HSDL1: variants seen among roughly 807,000 people sequenced by gnomAD.
HSDL1 encodes inactive hydroxysteroid dehydrogenase-like protein 1.
In HSDL1, 29 loss-of-function variants were observed where a neutral mutation model predicts 31.5. The ratio of observed to expected loss-of-function variants is 0.92; its 90% CI spans 0.69 to 1.26. The LOEUF is 1.26. Among genes scored for constraint, HSDL1 ranks in the 50% most tolerant of loss-of-function variants. The probability of loss-of-function intolerance (pLI) is 0.00; values close to 1 mark genes in which losing one functional copy is unlikely to be tolerated. For missense variants in HSDL1, 503 were observed against 416.6 expected, an observed-to-expected ratio of 1.21 and a Z score of -1.81; for synonymous variants, 222 against 155.2, an observed-to-expected ratio of 1.43 and a Z score of -3.20.
chr16:84,143,109 A>G (rs934895114), intron 1 of HSDL1, among the ~76,000 whole-genome samples: 11 of 152,242 alleles, frequency 7.2e-5, no homozygotes, highest in Non-Finnish European at 1.5e-4. Context: ...CAGATACCCA[A>G]GATAATTAGA....
chr16:84,144,216 T>C (rs922381707), intron 1 of HSDL1: 2 of 151,972 alleles, frequency 1.3e-5, no homozygotes, highest in Admixed American at 1.3e-4. Flanking sequence ...GACTCTCCCG[T>C]TTATAGATGG....
chr16:84,134,719 T>C (rs1255979688), intron 2 of HSDL1, among the ~76,000 whole-genome samples: 3 of 152,124 alleles, frequency 2.0e-5, no homozygotes, highest in Non-Finnish European at 2.9e-5. Flanking sequence ...GTGCCTTTTG[T>C]CATAACTAAT....
At chr16:84,133,785 T>C (rs1199618200) in intron 2 of HSDL1, among the ~76,000 whole-genome samples, 2 of 152,180 alleles carry the variant, frequency 1.3e-5, no homozygotes. Flanking sequence ...CTTTATTCCC[T>C]ACAGGTAAAA....
intron 1 of HSDL1, among the ~76,000 whole-genome samples, chr16:84,137,549 G>T (rs1016832269): frequency 3.9e-5 from 6 of 152,136 alleles, no homozygotes; most frequent in South Asian, 4.1e-4. Context: ...TACTCAGCTG[G>T]GGATGAAGGA....
chr16:84,141,111 T>C (rs1299992351), intron 1 of HSDL1, among the ~76,000 whole-genome samples: 1 of 151,240 alleles, frequency 6.6e-6, no homozygotes, highest in African/African-American at 2.5e-5. Context: ...AAAAACAGTA[T>C]TGCTAAGTTT....
chr16:84,139,665 G>T (rs1041354517), intron 1 of HSDL1, among the ~76,000 whole-genome samples: 1 of 152,162 alleles, frequency 6.6e-6, no homozygotes, highest in Non-Finnish European at 1.5e-5. Context: ...GGGAGGAAGG[G>T]ATGGATGAAC....
intron 1 of HSDL1, among the ~76,000 whole-genome samples, chr16:84,142,657 G>A (rs1223358720): frequency 6.6e-6 from 1 of 151,840 alleles, no homozygotes; most frequent in African/African-American, 2.4e-5. Flanking sequence ...TATTGGCCAG[G>A]CTGGTCTTGA....
intron 1 of HSDL1, among the ~76,000 whole-genome samples, chr16:84,144,073 CCT>C (rs140146164): frequency 6.6e-4 from 95 of 143,480 alleles, no homozygotes; most frequent in Middle Eastern, 3.5e-3. Flanking sequence ...TCCCTCCCTC[CCT>C]CTCTCTCTCT....
chr16:84,141,508 C>A (rs1351065780), intron 1 of HSDL1, among the ~76,000 whole-genome samples: 1 of 152,244 alleles, frequency 6.6e-6, no homozygotes, highest in Non-Finnish European at 1.5e-5. Flanking sequence ...CCATCTCCTG[C>A]ACACCTGTGC....
chr16:84,136,008 C>G (rs1217795139), intron 1 of HSDL1, among the ~76,000 whole-genome samples: 1 of 152,248 alleles, frequency 6.6e-6, no homozygotes, highest in African/African-American at 2.4e-5. Flanking sequence ...CTTTTTCTGC[C>G]TGGTGCCTGT....
Position 84,130,354 on chromosome 16 carries a change from T to G in HSDL1, c.298A>C (p.Asn100His). The G allele has an allele frequency of 1.9e-6, 3 of 1,614,232 alleles. No homozygotes were observed. The highest frequency in any genetic ancestry group is 1.3e-5 in the African/African-American group (1 of 75,074). The change falls in exon 4 of 6, where the codon AAC (asparagine) becomes CAC (histidine). Residue 100 changes from asparagine (N) to histidine (H), a missense_variant. Physicochemically the swap from Asn to His is moderately conservative, Grantham distance 68. Transcript: ENST00000219439. ...RGLNIILISR[N>H]EEKLQVVAKD... ...GCAACAACCTGCAACTTCTCCTCGT[T>G]CCGACTAATCAGGATTATATTGAGA...
At chr16:84,126,206 G>A (rs767953944) in intron 5 of HSDL1, among the ~76,000 whole-genome samples, 3 of 152,118 alleles carry the variant, frequency 2.0e-5, no homozygotes, top group African/African-American at 4.8e-5. Context: ...GGGGCTTGAG[G>A]GGTAGTATGG....
chr16:84,135,009 G>A (rs1473307326), intron 2 of HSDL1, among the ~76,000 whole-genome samples: 3 of 152,112 alleles, frequency 2.0e-5, no homozygotes, highest in Admixed American at 6.5e-5. Context: ...CGAGACGGGC[G>A]GATCACGAGG....
In HSDL1 at chr16:84,130,960, G is replaced by A; in HGVS notation, c.220+142C>T. 3 of 698,024 alleles carry A rather than the reference G, an allele frequency of 4.3e-6. 1 individual carries two copies. Among genetic ancestry groups the A allele is most frequent in the Non-Finnish European group, 7.4e-6 (3 of 404,022 alleles). 43.2% of individuals were successfully genotyped at this position (698,024 alleles called of 1,614,324 possible). On this transcript the variant is annotated intron_variant, in intron 3 of 5. Transcript: ENST00000219439. ...GATGAGAGCAGTAAGAAAATGAAAT[G>A]TGAACATAATCACGGCAGGAGCCAT... is the stretch of plus-strand genomic sequence containing the variant.
intron 2 of HSDL1, among the ~76,000 whole-genome samples, 156 bp from the exon 3 acceptor site, chr16:84,131,483 G>GTCTGTCTA (rs1232519658): frequency 0.013 from 1,808 of 144,236 alleles, 36 homozygotes; most frequent in African/African-American, 0.045. Flanking sequence ...CACAGTTTCA[G>GTCTGTCTA]TCTATCTATC....
chr16:84,127,629 C>A lies in HSDL1; in HGVS notation c.894+1919G>T, dbSNP rs956012079. The stretch of plus-strand genomic sequence containing the variant: ...ATCTAATACTCTTCATGCAAACAGT[C>A]CCAAAAATATCTGTTTGATAATTAA... On this transcript the variant is annotated intron_variant, in intron 5 of 5. Coordinates refer to ENST00000219439, the MANE Select transcript of HSDL1 (RefSeq NM_031463.5). Among the ~76,000 whole-genome samples, 6 of 150,506 alleles carry A rather than the reference C, an allele frequency of 4.0e-5. No individual in the cohort carries two copies. The South Asian group carries it at 1.0e-3, about 26-fold the overall frequency.
At chr16:84,137,020 C>A (rs900428923) in intron 1 of HSDL1, among the ~76,000 whole-genome samples, 2 of 134,802 alleles carry the variant, frequency 1.5e-5, no homozygotes, top group Admixed American at 1.4e-4. Flanking sequence ...CCTACAGTCT[C>A]TCGAGATCTA....
At chr16:84,139,454 C>G (rs1597379883) in intron 1 of HSDL1, 1 of 152,946 alleles carries the variant, frequency 6.5e-6, no homozygotes, top group African/African-American at 2.4e-5. Flanking sequence ...GGGGGGTGGC[C>G]TCTAGAAGCT....
At chr16:84,127,716 A>ATTT (rs758790146) in intron 5 of HSDL1, among the ~76,000 whole-genome samples, 2 of 124,702 alleles carry the variant, frequency 1.6e-5, no homozygotes, top group African/African-American at 3.0e-5. Flanking sequence ...TCACACTGGT[A>ATTT]TTTTTTTTTT....
Sources: gnomAD v4.1 joint callset for allele counts (sites outside exome capture counted in the v4.1 genomes callset) on GRCh38, gnomAD v4.1.1 for gene constraint, MANE v1.5 for transcripts, NCBI Gene and HGNC (gene_info 2026-07-23, HGNC 2026-07-21) for gene names.